The following PSMF1 variants were observed in gnomAD, a reference collection of about 807,000 sequenced individuals.
The protein encoded by PSMF1 is proteasome inhibitor subunit 1, also known as proteasome inhibitor PI31 subunit.
In PSMF1, 30 loss-of-function variants were observed where a neutral mutation model predicts 29.3. That is an observed-to-expected ratio of 1.02 (90% confidence interval 0.77 to 1.39). The LOEUF is 1.39. PSMF1 is among the 40% of genes most tolerant of loss of function. PSMF1 has a pLI of 0.00. For missense variants in PSMF1, 344 were observed against 357.5 expected, an observed-to-expected ratio of 0.96 and a Z score of 0.31; for synonymous variants, 134 against 139.7, an observed-to-expected ratio of 0.96 and a Z score of 0.29.
chr20:1,164,180 A>C lies in PSMF1; in HGVS notation c.606-138A>C. 1 of 870,530 alleles carries C rather than the reference A, an allele frequency of 1.1e-6. No individual in the cohort carries two copies. The highest frequency in any genetic ancestry group is 1.7e-5 in the African/African-American group (1 of 60,304). The allele number at this position is 870,530 out of a possible 1,614,324, so 53.9% of individuals were successfully genotyped here. A position where few individuals can be genotyped will look rare whatever the true frequency, so the allele number is the denominator to read the frequency against. ...CCTTGCCCACTTTCCGCTGGCTCTC[A>C]GGCAGCCATCCACATGTCTGCTTGG... On this transcript the variant is annotated intron_variant, in intron 5 of 6. Transcript: ENST00000335877. This position sits in a 1 kb window ranked among gnomAD's most constrained non-coding sequence, Gnocchi z 4.1.
intron 4 of PSMF1, among the ~76,000 whole-genome samples, chr20:1,153,074 T>C (rs2086551742): frequency 1.3e-5 from 2 of 152,368 alleles, no homozygotes; most frequent in South Asian, 4.1e-4. Flanking sequence ...GTCATTTCCC[T>C]ATCCTTACCA....
intron 3 of PSMF1, among the ~76,000 whole-genome samples, chr20:1,134,073 C>G (rs1169169308): frequency 6.8e-6 from 1 of 147,048 alleles, no homozygotes; most frequent in Middle Eastern, 3.2e-3. Context: ...TTCATTTTCT[C>G]TCTTGTTTTT....
At chr20:1,159,354 T>C (rs997781323) in intron 4 of PSMF1, among the ~76,000 whole-genome samples, 1 of 151,892 alleles carries the variant, frequency 6.6e-6, no homozygotes, top group Non-Finnish European at 1.5e-5. Flanking sequence ...AGAGACATGG[T>C]TTTGCTATGC....
In PSMF1 at chr20:1,164,899, G is replaced by T; in HGVS notation, c.765-130G>T. 1.2e-6 allele frequency: 1 copy of T among 826,712 alleles called. No homozygotes were observed. The allele number at this position is 826,712 out of a possible 1,614,324, so 51.2% of individuals were successfully genotyped here. On this transcript the variant is annotated intron_variant, in intron 6 of 6. Coordinates refer to ENST00000335877, the MANE Select transcript of PSMF1 (RefSeq NM_006814.5). This position sits in a 1 kb window ranked among gnomAD's most constrained non-coding sequence, Gnocchi z 4.1. ...AACCCCGGTTGTCTGGCTCTTGAGT[G>T]CATGTGTTTAAATTCCTCACACCGC...
intron 4 of PSMF1, among the ~76,000 whole-genome samples, chr20:1,143,052 G>T (rs573730618): frequency 6.6e-6 from 1 of 152,136 alleles, no homozygotes; most frequent in Admixed American, 6.5e-5. Context: ...TAAAAAATCA[G>T]CATAGTAAAA....
chr20:1,133,571 T>TATA (rs1568469077), intron 3 of PSMF1, among the ~76,000 whole-genome samples: 47 of 44,108 alleles, frequency 1.1e-3, no homozygotes, highest in African/African-American at 3.4e-3. Context: ...ATATATATAT[T>TATA]TTTTTTTTTT....
At chr20:1,133,572 T>A (rs1401061747) in intron 3 of PSMF1, among the ~76,000 whole-genome samples, 1,415 of 122,204 alleles carry the variant, frequency 0.012, 46 homozygotes, top group East Asian at 0.036. Flanking sequence ...TATATATATT[T>A]TTTTTTTTTT....
chr20:1,114,649 C>G (rs376064894), upstream of PSMF1, among the ~76,000 whole-genome samples: 2 of 6,680 alleles, frequency 3.0e-4, no homozygotes, highest in East Asian at 5.6e-3. Flanking sequence ...TGTATGCAAA[C>G]CAGTGTTGAA....
At chr20:1,152,543 G>C (rs1456524999) in intron 4 of PSMF1, among the ~76,000 whole-genome samples, 3 of 152,230 alleles carry the variant, frequency 2.0e-5, no homozygotes, top group African/African-American at 7.2e-5. Flanking sequence ...GCCAAGATCA[G>C]GAGAATGGGA....
At chr20:1,149,437 A>T (rs1276166860) in intron 4 of PSMF1, among the ~76,000 whole-genome samples, 1 of 152,226 alleles carries the variant, frequency 6.6e-6, no homozygotes, top group Non-Finnish European at 1.5e-5. Flanking sequence ...AGATATGCAG[A>T]TCTGCTCAAA....
At chr20:1,148,209 A>G (rs925924690) in intron 4 of PSMF1, among the ~76,000 whole-genome samples, 1 of 152,234 alleles carries the variant, frequency 6.6e-6, no homozygotes, top group South Asian at 2.1e-4. Flanking sequence ...GGCTAGGAGT[A>G]TAGCTAGAGA....
rs955220325 is a variant in PSMF1, at chr20:1,165,877, T to G, written c.*797T>G. The G allele has an allele frequency of 8.5e-7, 1 of 1,181,554 alleles. No homozygotes were observed. Among genetic ancestry groups the G allele is most frequent in the Non-Finnish European group, 1.1e-6 (1 of 947,418 alleles). 73.2% of individuals were successfully genotyped at this position (1,181,554 alleles called of 1,614,324 possible). A position where few individuals can be genotyped will look rare whatever the true frequency, so the allele number is the denominator to read the frequency against. ...TGAAGGCTAATCTTATTTTTGCCAC[T>G]AACTTAGTGAATGACCCTAAGCAAG... On this transcript the variant is annotated 3_prime_UTR_variant, in exon 7 of 7. Coordinates refer to ENST00000335877, the MANE Select transcript of PSMF1 (RefSeq NM_006814.5).
At chr20:1,139,604 G>A (rs988983682) in intron 4 of PSMF1, among the ~76,000 whole-genome samples, 6 of 152,044 alleles carry the variant, frequency 3.9e-5, no homozygotes, top group Admixed American at 3.9e-4. Flanking sequence ...AATTAGCTGG[G>A]TGTGGTGGCA....
At chr20:1,157,941 C>T (rs748241472) in intron 4 of PSMF1, among the ~76,000 whole-genome samples, 1 of 152,158 alleles carries the variant, frequency 6.6e-6, no homozygotes, top group African/African-American at 2.4e-5. Context: ...TCTTCCTTAC[C>T]TCCGTTCTAG....
chr20:1,122,950 CAG>C (rs2086108538), intron 1 of PSMF1, among the ~76,000 whole-genome samples: 1 of 152,122 alleles, frequency 6.6e-6, no homozygotes, highest in Admixed American at 6.5e-5. Flanking sequence ...AGGCGTTTGC[CAG>C]AGCAAAGATG....
At chr20:1,133,570 T>TATATATATATATATATATA (rs1555760108) in intron 3 of PSMF1, among the ~76,000 whole-genome samples, 32 of 63,116 alleles carry the variant, frequency 5.1e-4, no homozygotes, top group South Asian at 1.1e-3. Flanking sequence ...TATATATATA[T>TATATATATATATATATATA]TTTTTTTTTT....
intron 4 of PSMF1, among the ~76,000 whole-genome samples, chr20:1,146,290 A>ATT (rs763193159): frequency 9.1e-5 from 13 of 143,198 alleles, no homozygotes; most frequent in African/African-American, 2.3e-4. Flanking sequence ...TACGTAACAG[A>ATT]TTTTTTTTTT....
chr20:1,168,841 T>C lies in PSMF1; in HGVS notation c.*3761T>C, dbSNP rs2086760826. 6.6e-6 allele frequency among the ~76,000 whole-genome samples: 1 copy of C among 152,170 alleles called. No individual in the cohort carries two copies. The highest frequency in any genetic ancestry group is 1.5e-5 in the Non-Finnish European group (1 of 68,030). On this transcript the variant is annotated 3_prime_UTR_variant, in exon 7 of 7. Transcript: ENST00000335877. ...TTTGTCTACTTCTGTACATTTCCAATAAGGCACCACCAGGGCAAGGGAAGA... is the reference window on the plus strand; with the variant it reads ...TTTGTCTACTTCTGTACATTTCCAACAAGGCACCACCAGGGCAAGGGAAGA...
Position 1,171,909 on chromosome 20 carries a change from GA to G in PSMF1, c.*6832del, listed in dbSNP as rs1234062098. On this transcript the variant is annotated 3_prime_UTR_variant, in exon 7 of 7. Transcript: ENST00000335877. ...TCAAGGTTTCTTGGTTCCCAGGACA[GA>G]AATTTGAGTGAGAAGCATGTGAAGA... 6.6e-6 allele frequency among the ~76,000 whole-genome samples: 1 copy of G among 152,246 alleles called. No individual in the cohort carries two copies. Among genetic ancestry groups the G allele is most frequent in the Non-Finnish European group, 1.5e-5 (1 of 68,038 alleles).
Sources: gnomAD v4.1 joint callset for allele counts (sites outside exome capture counted in the v4.1 genomes callset) on GRCh38, gnomAD v4.1.1 for gene constraint, Gnocchi (gnomAD v3.1) non-coding constraint, MANE v1.5 for transcripts, NCBI Gene and HGNC (gene_info 2026-07-23, HGNC 2026-07-21) for gene names.